AMZ1: variants seen among roughly 807,000 people sequenced by gnomAD.
AMZ1 encodes archaelysin family metallopeptidase 1, also known as archaemetzincin-1.
AMZ1 carries 39 observed loss-of-function variants against 29.9 expected under a neutral mutation model. The ratio of observed to expected loss-of-function variants is 1.30; its 90% confidence interval spans 1.01 to 1.70. The LOEUF is 1.70. Ranked by LOEUF, AMZ1 falls within the 40% of genes most tolerant of loss-of-function variation. The pLI is 0.00. For missense variants in AMZ1, 1,041 were observed against 680.6 expected (o/e 1.53, Z -5.89); for synonymous variants, 458 against 304.0 (o/e 1.51, Z -5.27).
intron 4 of AMZ1, among the ~76,000 whole-genome samples, chr7:2,755,415 A>G (rs1791246772): frequency 6.6e-6 from 1 of 151,796 alleles, no homozygotes; most frequent in Admixed American, 6.6e-5. Context: ...TTTAGATCTC[A>G]TTTCTTGAGT....
chr7:2,742,253 T>G (rs953270769), intron 4 of AMZ1, among the ~76,000 whole-genome samples: 2 of 152,022 alleles, frequency 1.3e-5, no homozygotes, highest in Non-Finnish European at 1.5e-5. Flanking sequence ...TGAACTTAAG[T>G]GATCTGCCCG....
chr7:2,746,689 A>G (rs1347669654), intron 4 of AMZ1, among the ~76,000 whole-genome samples: 2 of 152,232 alleles, frequency 1.3e-5, no homozygotes, highest in Non-Finnish European at 2.9e-5. Flanking sequence ...TGAAGGAAAT[A>G]GAGACACAAA....
At position 2,742,059 on chromosome 7, in the gene AMZ1, T is replaced by C. The variant is rs543995918; in HGVS notation, n.551-22653T>C. Among the ~76,000 whole-genome samples, 7 of 152,132 alleles carry C rather than the reference T, an allele frequency of 4.6e-5. 1 individual carries two copies. In the South Asian group the frequency reaches 1.5e-3, roughly 32 times the overall value. On this transcript the variant is annotated intron_variant and non_coding_transcript_variant, in intron 4 of 4. Coordinates refer to the AMZ1 transcript ENST00000489665. ...TTTTTTGAGATGGAGTCTCACCCTG[T>C]TGCCCAGGCTAGAGTGCAGTGGGGC...
chr7:2,762,595 A>G (rs749373757), upstream of AMZ1: 2 of 1,511,656 alleles, frequency 1.3e-6, no homozygotes, highest in Non-Finnish European at 1.8e-6. Flanking sequence ...TACAAACCCA[A>G]AAAAGGACAA....
At position 2,718,718 on chromosome 7, in the gene AMZ1, G is replaced by C. The variant is rs1789276936; in HGVS notation, c.*5840G>C. Among the ~76,000 whole-genome samples the C allele has an allele frequency of 6.6e-6, 1 of 152,214 alleles. No homozygotes were observed. The highest frequency in any genetic ancestry group is 1.5e-5 in the Non-Finnish European group (1 of 68,038). On this transcript the variant is annotated 3_prime_UTR_variant, in exon 7 of 7. Transcript: ENST00000683327. ...TCCACTGTCCCTTCTAACAGGACAGGGCTTGTGCAGCCGGGCTTGGTCTTG... is the reference window on the plus strand; with the variant it reads ...TCCACTGTCCCTTCTAACAGGACAGCGCTTGTGCAGCCGGGCTTGGTCTTG...
chr7:2,762,969 C>T (rs1791638444), upstream of AMZ1: 2 of 1,354,782 alleles, frequency 1.5e-6, no homozygotes, highest in Non-Finnish European at 1.9e-6. Context: ...GTCTCCTGCT[C>T]CTCAGAAAGA....
At chr7:2,694,585 T>C (rs1787592399) in intron 1 of AMZ1, among the ~76,000 whole-genome samples, 1 of 152,018 alleles carries the variant, frequency 6.6e-6, no homozygotes, top group Non-Finnish European at 1.5e-5. Flanking sequence ...CCACCGTACC[T>C]GGTCATAATC....
Position 2,708,706 on chromosome 7 carries a change from T to C in AMZ1, c.591T>C (p.Leu197=), listed in dbSNP as rs1788529984. 2 of 1,612,668 alleles carry C rather than the reference T, an allele frequency of 1.2e-6. No homozygotes were observed. The highest frequency in any genetic ancestry group is 1.3e-5 in the African/African-American group (1 of 74,908). Reference sequence around the variant, plus strand: ...GGAGCTTCACCTTCAGCAAGTTCCTTCCAGGGCACGGTGAGCCGGGGCCCC... The same window carrying C: ...GGAGCTTCACCTTCAGCAAGTTCCTCCCAGGGCACGGTGAGCCGGGGCCCC... ...EAWSFTFSKF[L]PGHEVGVCSF... Residue 197 remains leucine (L), a synonymous_variant, in exon 4 of 7, where the codon CTT becomes CTC. Transcript: ENST00000683327.
At chr7:2,701,287 C>A (rs73283135) in intron 2 of AMZ1, among the ~76,000 whole-genome samples, 4,790 of 151,260 alleles carry the variant, frequency 0.032, 257 homozygotes, top group African/African-American at 0.11. Context: ...CCCATTTCGC[C>A]GGCAAGGAGA....
At chr7:2,760,942 G>C (rs1791525143), upstream of AMZ1, among the ~76,000 whole-genome samples, 1 of 152,184 alleles carries the variant, frequency 6.6e-6, no homozygotes, top group Non-Finnish European at 1.5e-5. Flanking sequence ...CCCCACTCCA[G>C]CTCCCCCTGT....
intron 5 of AMZ1, 64 bp from the exon 6 acceptor site, chr7:2,709,576 C>T: frequency 2.6e-6 from 4 of 1,562,908 alleles, no homozygotes; most frequent in Non-Finnish European, 3.5e-6. Context: ...CTGGGGCTGC[C>T]TGGGGATCTG....
At chr7:2,693,245 C>T (rs1027779949) in intron 1 of AMZ1, among the ~76,000 whole-genome samples, 10 of 152,126 alleles carry the variant, frequency 6.6e-5, no homozygotes, top group African/African-American at 1.9e-4. Context: ...TGCGCCACCA[C>T]GCCCAGCTAA....
chr7:2,703,280 A>T (rs1241480386), intron 3 of AMZ1, among the ~76,000 whole-genome samples: 1 of 151,984 alleles, frequency 6.6e-6, no homozygotes, highest in African/African-American at 2.4e-5. Context: ...AGTAGCTGGG[A>T]CTAAAAGCGC....
intron 2 of AMZ1, chr7:2,702,084 T>TC (rs1788086276): frequency 6.6e-6 from 1 of 152,584 alleles, no homozygotes; most frequent in South Asian, 2.1e-4. Context: ...TGGCAGCTGA[T>TC]TTCTCACTGG....
chr7:2,687,065 A>T (rs535351136), upstream of AMZ1, among the ~76,000 whole-genome samples: 1 of 151,926 alleles, frequency 6.6e-6, no homozygotes, highest in Admixed American at 6.5e-5. Flanking sequence ...GTGGTGGCTC[A>T]CGCCTGTACT....
chr7:2,685,885 C>A (rs899499806), upstream of AMZ1, among the ~76,000 whole-genome samples: 19 of 148,512 alleles, frequency 1.3e-4, no homozygotes, highest in East Asian at 2.2e-3. Context: ...AAAGAACATT[C>A]ATCTTTTCTC....
intron 4 of AMZ1, among the ~76,000 whole-genome samples, chr7:2,759,357 C>T (rs902248085): frequency 2.0e-5 from 3 of 152,148 alleles, no homozygotes; most frequent in Non-Finnish European, 2.9e-5. Flanking sequence ...TGTGCCTGCA[C>T]TGTTCTAAGG....
intron 2 of AMZ1, among the ~76,000 whole-genome samples, chr7:2,701,228 C>CAA (rs35630946): frequency 0.11 from 15,996 of 144,090 alleles, 1,175 homozygotes; most frequent in Non-Finnish European, 0.16. Context: ...GAGACTGTCT[C>CAA]AAAAAAAAAA....
intron 4 of AMZ1, among the ~76,000 whole-genome samples, chr7:2,757,187 G>C (rs1406719169): frequency 1.4e-5 from 2 of 145,114 alleles, no homozygotes; most frequent in African/African-American, 5.2e-5. Context: ...CCAGGCTGGA[G>C]TGTAGTGGCA....
Sources: gnomAD v4.1 joint callset for allele counts (sites outside exome capture counted in the v4.1 genomes callset) on GRCh38, gnomAD v4.1.1 for gene constraint, MANE v1.5 for transcripts, NCBI Gene and HGNC (gene_info 2026-07-23, HGNC 2026-07-21) for gene names.